MAP3K4: variants seen among roughly 807,000 people sequenced by gnomAD.
MAP3K4 encodes MAP three kinase 1.
MAP3K4 carries 67 observed loss-of-function variants against 185.6 expected under a neutral mutation model. The ratio of observed to expected loss-of-function variants is 0.36; its 90% CI spans 0.30 to 0.44. MAP3K4 has a LOEUF of 0.44. Ranked by LOEUF, MAP3K4 falls within the 20% of genes least tolerant of loss-of-function variation. The probability of loss-of-function intolerance (pLI) is 1.00; values close to 1 mark genes in which losing one functional copy is unlikely to be tolerated. For missense variants in MAP3K4, 1,551 were observed against 1,995.1 expected (o/e 0.78, Z 4.24); for synonymous variants, 702 against 710.4 (o/e 0.99, Z 0.19).
intron 1 of MAP3K4, among the ~76,000 whole-genome samples, chr6:161,021,733 A>G (rs964911558): frequency 6.6e-6 from 1 of 152,208 alleles, no homozygotes; most frequent in Non-Finnish European, 1.5e-5. Flanking sequence ...GAGGGCAGGA[A>G]CAGTAATGTG....
In MAP3K4 at chr6:161,082,470, A is replaced by G. The variant is rs1031506121; in HGVS notation, c.2255+1432A>G. 1.3e-5 allele frequency among the ~76,000 whole-genome samples: 2 copies of G among 151,652 alleles called. No individual in the cohort carries two copies. The highest frequency in any genetic ancestry group is 4.9e-5 in the African/African-American group (2 of 41,132). The stretch of plus-strand genomic sequence containing the variant: ...TTGTCCTTCAAATTCCCTAGAGTGC[A>G]GTCTCTGGCCTTTGCTTTCATGATC... On this transcript the variant is annotated intron_variant, in intron 6 of 26. Coordinates refer to ENST00000392142, the MANE Select transcript of MAP3K4 (RefSeq NM_005922.4). This position sits in a 1 kb window ranked among gnomAD's most constrained non-coding sequence, Gnocchi z 4.2.
chr6:161,070,217 C>T lies in MAP3K4; in HGVS notation c.1708-391C>T, dbSNP rs1044810730. On this transcript the variant is annotated intron_variant, in intron 3 of 26. Transcript: ENST00000392142. This position sits in a 1 kb window ranked among gnomAD's most constrained non-coding sequence, Gnocchi z 4.5. ...GATTTTGTAATGTTTTCTCTAATTT[C>T]AGTAATTCTCTGGTTTTTTTCCCAG... is the stretch of plus-strand genomic sequence containing the variant. Among the ~76,000 whole-genome samples the T allele has an allele frequency of 6.6e-6, 1 of 151,754 alleles. No individual in the cohort carries two copies. The highest frequency in any genetic ancestry group is 2.1e-4 in the South Asian group (1 of 4,788).
chr6:161,062,858 A>G (rs1000680478), intron 3 of MAP3K4, among the ~76,000 whole-genome samples: 1 of 152,056 alleles, frequency 6.6e-6, no homozygotes, highest in Non-Finnish European at 1.5e-5. Flanking sequence ...CACTTTGAAT[A>G]AATAGTTTAG....
intron 3 of MAP3K4, among the ~76,000 whole-genome samples, chr6:161,055,634 C>T (rs1784197876): frequency 6.6e-6 from 1 of 152,196 alleles, no homozygotes; most frequent in Non-Finnish European, 1.5e-5. Flanking sequence ...GTCGAGGACA[C>T]CACATTGCAT....
chr6:161,006,354 A>G (rs1232753949), intron 1 of MAP3K4, among the ~76,000 whole-genome samples: 1 of 152,234 alleles, frequency 6.6e-6, no homozygotes, highest in Admixed American at 6.5e-5. Context: ...ATATTCAGAA[A>G]AAAAATTGCT....
chr6:161,047,573 C>T (rs918570073), intron 2 of MAP3K4, among the ~76,000 whole-genome samples: 1 of 151,652 alleles, frequency 6.6e-6, no homozygotes, highest in South Asian at 2.1e-4. Context: ...ATTGAGATGG[C>T]GTTATAGGTT....
chr6:161,040,689 G>C (rs1424048877), intron 2 of MAP3K4, among the ~76,000 whole-genome samples: 2 of 152,236 alleles, frequency 1.3e-5, no homozygotes, highest in African/African-American at 4.8e-5. Context: ...TTCAAAATTA[G>C]TGCAAAGGCT....
Position 161,054,027 on chromosome 6 carries a change from A to G in MAP3K4, c.1707+4048A>G, listed in dbSNP as rs1245489156. 6.6e-6 allele frequency among the ~76,000 whole-genome samples: 1 copy of G among 152,238 alleles called. No homozygotes were observed. Among genetic ancestry groups the G allele is most frequent in the East Asian group, 1.9e-4 (1 of 5,200 alleles). On this transcript the variant is annotated intron_variant, in intron 3 of 26. Transcript: ENST00000392142. This position sits in a 1 kb window ranked among gnomAD's most constrained non-coding sequence, Gnocchi z 4.2. ...TAGGTGAAGGATTTTGTAGAAAAGA[A>G]GAAATACACGTGATGTTTGATTTTT...
In MAP3K4 at chr6:161,010,138, T is replaced by C. The variant is rs541441495; in HGVS notation, c.152+18055T>C. 7.2e-5 allele frequency among the ~76,000 whole-genome samples: 11 copies of C among 152,352 alleles called. No individual in the cohort carries two copies. In the South Asian group the frequency reaches 2.1e-3, roughly 29 times the overall value. Reference sequence around the variant, plus strand: ...TCTCCCTATTGTGTTTTAAAAATTATTCATGTATCCTCTTGACTGTACTAC... The same window carrying C: ...TCTCCCTATTGTGTTTTAAAAATTACTCATGTATCCTCTTGACTGTACTAC... On this transcript the variant is annotated intron_variant, in intron 1 of 26. Transcript: ENST00000392142.
At chr6:160,999,011 C>T in intron 1 of MAP3K4, among the ~76,000 whole-genome samples, 1 of 152,168 alleles carries the variant, frequency 6.6e-6, no homozygotes, top group Non-Finnish European at 1.5e-5. Flanking sequence ...CATATGGATG[C>T]CACGTGTTTA....
chr6:161,061,043 T>C lies in MAP3K4; in HGVS notation c.1708-9565T>C, dbSNP rs954269975. On this transcript the variant is annotated intron_variant, in intron 3 of 26. Transcript: ENST00000392142. The surrounding 1 kb of genome is among the most constrained non-coding windows in gnomAD (Gnocchi z 4.2). Reference sequence around the variant, plus strand: ...GCAGAAATTGTGGCTGGTCATTGTTTTACTGTTTAGTGGGCAGATGAAAAC... The same window carrying C: ...GCAGAAATTGTGGCTGGTCATTGTTCTACTGTTTAGTGGGCAGATGAAAAC... 4.6e-5 allele frequency among the ~76,000 whole-genome samples: 7 copies of C among 152,252 alleles called. No homozygotes were observed. The highest frequency in any genetic ancestry group is 1.7e-4 in the African/African-American group (7 of 41,466).
chr6:160,993,127 C>G (rs912446613), intron 1 of MAP3K4, among the ~76,000 whole-genome samples: 1 of 152,176 alleles, frequency 6.6e-6, no homozygotes, highest in Non-Finnish European at 1.5e-5. Flanking sequence ...TGTCATCATT[C>G]AGTTGGCCCA....
rs895608235 is a variant in MAP3K4, at chr6:161,075,996, C to T, written c.2097+2384C>T. Among the ~76,000 whole-genome samples, 3 of 152,104 alleles carry T rather than the reference C, an allele frequency of 2.0e-5. No individual in the cohort carries two copies. Among genetic ancestry groups the T allele is most frequent in the Non-Finnish European group, 4.4e-5 (3 of 68,016 alleles). On this transcript the variant is annotated intron_variant, in intron 5 of 26. Coordinates refer to ENST00000392142, the MANE Select transcript of MAP3K4 (RefSeq NM_005922.4). This position sits in a 1 kb window ranked among gnomAD's most constrained non-coding sequence, Gnocchi z 4.3. Reference sequence around the variant, plus strand: ...TGGCAGTCAAATTATGTTTAACACCCTTGTCTGGAAACCCACCGAAAACAG... The same window carrying T: ...TGGCAGTCAAATTATGTTTAACACCTTTGTCTGGAAACCCACCGAAAACAG...
rs573183136 is a variant in MAP3K4, at chr6:161,072,537, G to A, written c.1951-929G>A. On this transcript the variant is annotated intron_variant, in intron 4 of 26. Coordinates refer to ENST00000392142, the MANE Select transcript of MAP3K4 (RefSeq NM_005922.4). ...ATCACAATTTATTTGGTTAATCATCGATTTAAGTAACATTGTGATAAATAT... is the reference window on the plus strand; with the variant it reads ...ATCACAATTTATTTGGTTAATCATCAATTTAAGTAACATTGTGATAAATAT... Among the ~76,000 whole-genome samples the A allele has an allele frequency of 9.2e-5, 14 of 152,194 alleles. No individual in the cohort carries two copies. The South Asian group carries it at 2.7e-3, about 29-fold the overall frequency.
chr6:161,043,715 G>A lies in MAP3K4; in HGVS notation c.344-4901G>A, dbSNP rs1783595740. Among the ~76,000 whole-genome samples the A allele has an allele frequency of 6.6e-6, 1 of 152,248 alleles. No individual in the cohort carries two copies. Among genetic ancestry groups the A allele is most frequent in the South Asian group, 2.1e-4 (1 of 4,836 alleles). On this transcript the variant is annotated intron_variant, in intron 2 of 26. Transcript: ENST00000392142. This position sits in a 1 kb window ranked among gnomAD's most constrained non-coding sequence, Gnocchi z 4.3. ...ACGTGCACTTTAGCAGGAACGCAGT[G>A]ATTTCGAACATACACTGAAATTTGA...
chr6:161,024,576 G>T (rs1782552644), intron 1 of MAP3K4, among the ~76,000 whole-genome samples: 1 of 152,164 alleles, frequency 6.6e-6, no homozygotes, highest in Non-Finnish European at 1.5e-5. Flanking sequence ...ACAGTTTTGA[G>T]AAGTAATGAT....
chr6:160,997,005 A>T (rs1781024645), intron 1 of MAP3K4, among the ~76,000 whole-genome samples: 1 of 152,208 alleles, frequency 6.6e-6, no homozygotes, highest in South Asian at 2.1e-4. Flanking sequence ...GGCATCACAC[A>T]GGCTGCTTTT....
intron 1 of MAP3K4, among the ~76,000 whole-genome samples, chr6:161,033,493 G>A (rs1380549647): frequency 4.6e-5 from 7 of 152,152 alleles, no homozygotes; most frequent in Non-Finnish European, 1.5e-5. Flanking sequence ...ATTGCATTTT[G>A]AAGGTGAAAA....
intron 1 of MAP3K4, among the ~76,000 whole-genome samples, chr6:161,010,866 G>A (rs765648612): frequency 3.3e-5 from 5 of 152,178 alleles, no homozygotes; most frequent in Non-Finnish European, 7.4e-5. Flanking sequence ...TATATTTATT[G>A]TGTATAGCTT....
Sources: allele counts gnomAD v4.1 joint callset (sites outside exome capture counted in the v4.1 genomes callset), GRCh38; gene constraint gnomAD v4.1.1; non-coding constraint Gnocchi (gnomAD v3.1); transcripts MANE v1.5; gene names NCBI Gene and HGNC (gene_info 2026-07-23, HGNC 2026-07-21).